ENDOU: variants seen among roughly 807,000 people sequenced by gnomAD.
ENDOU encodes the protein endonuclease, poly(U) specific, also known as uridylate-specific endoribonuclease.
ENDOU carries 49 observed loss-of-function variants against 54.2 expected under a neutral mutation model. The observed-to-expected ratio is 0.90, with a 90% CI of 0.72 to 1.15. The LOEUF (loss-of-function observed/expected upper bound fraction) is 1.15, where lower values mean the gene tolerates loss of function less well. Ranked by LOEUF, ENDOU falls within the 50% of genes most tolerant of loss-of-function variation. The probability of loss-of-function intolerance (pLI) is 0.00; values close to 1 mark genes in which losing one functional copy is unlikely to be tolerated. For missense variants in ENDOU, 458 were observed against 511.4 expected, an observed-to-expected ratio of 0.90 and a Z score of 1.01; for synonymous variants, 172 against 190.5, an observed-to-expected ratio of 0.90 and a Z score of 0.80.
rs753284651 is a variant in ENDOU at position 47,713,438 on chromosome 12, T to C, written c.752-50A>G. The C allele has an allele frequency of 8.2e-6, 11 of 1,339,106 alleles. No individual in the cohort carries two copies. The South Asian group carries it at 1.2e-4, about 14-fold the overall frequency. The allele number at this position is 1,339,106 out of a possible 1,614,324, so 83.0% of individuals were successfully genotyped here. Reference sequence around the variant, plus strand: ...GGAGAGGGGAGGCAGGGCCAGGTCCTGGGAGCGCTAAACAGAGACCTGAAG... The same window carrying C: ...GGAGAGGGGAGGCAGGGCCAGGTCCCGGGAGCGCTAAACAGAGACCTGAAG... On this transcript the variant is annotated intron_variant, in intron 6 of 9. Coordinates refer to ENST00000422538, the MANE Select transcript of ENDOU (RefSeq NM_001172439.2).
rs773939707 is a variant in ENDOU at position 47,710,937 on chromosome 12, G to C, written c.1116-18C>G. The C allele has an allele frequency of 6.4e-7, 1 of 1,559,288 alleles. No homozygotes were observed. Among genetic ancestry groups the C allele is most frequent in the Admixed American group, 1.7e-5 (1 of 59,524 alleles). On this transcript the variant is annotated intron_variant, in intron 9 of 9. Transcript: ENST00000422538. ...ACTGGCACCTGTGGGGAAAGAGCCT[G>C]AAATCAGAGGAGCTCCCCACTTCAC... is the stretch of plus-strand genomic sequence containing the variant.
intron 8 of ENDOU, among the ~76,000 whole-genome samples, chr12:47,712,149 G>C (rs1940044163): frequency 6.6e-6 from 1 of 152,222 alleles, no homozygotes; most frequent in Non-Finnish European, 1.5e-5. Context: ...GTCTTATAAA[G>C]TGTATGAAGT....
At chr12:47,713,475 C>T in intron 6 of ENDOU, 87 bp from the exon 7 acceptor site, 1 of 828,110 alleles carries the variant, frequency 1.2e-6, no homozygotes, top group Non-Finnish European at 2.1e-6. Context: ...GCTACTTGCT[C>T]CCACACGTCA....
In ENDOU at chr12:47,717,564, C is replaced by T; in HGVS notation, c.336G>A (p.Glu112=). Reference sequence around the variant, plus strand: ...CAAAATCCTTGCAGCAGTTCCCAAACTCTTGGCAGCGGGCATTGCAGTGAC... The same window carrying T: ...CAAAATCCTTGCAGCAGTTCCCAAATTCTTGGCAGCGGGCATTGCAGTGAC... ...HQCHCNARCQ[E]FGNCCKDFES... is the part of the protein sequence containing the mutation. Residue 112 remains glutamate, a synonymous_variant, in exon 4 of 10, where the codon GAG becomes GAA. Transcript: ENST00000422538. The T allele has an allele frequency of 6.2e-7, 1 of 1,614,190 alleles. No individual in the cohort carries two copies. The highest frequency in any genetic ancestry group is 8.5e-7 in the Non-Finnish European group (1 of 1,180,030).
At chr12:47,716,612 G>A (rs1485540327) in intron 5 of ENDOU, 113 bp from the exon 6 acceptor site, 70 of 935,968 alleles carry the variant, frequency 7.5e-5, no homozygotes, top group Non-Finnish European at 9.6e-5. Flanking sequence ...TTCAGGAGCC[G>A]AGGGGGCACT....
At chr12:47,713,126 CTGCCATATGG>C in intron 7 of ENDOU, 139 bp downstream of exon 7, 1 of 623,366 alleles carries the variant, frequency 1.6e-6, no homozygotes, top group Non-Finnish European at 2.8e-6. Context: ...CCCCGCCCCC[CTGCCATATGG>C]GCAGGGGAGA....
intron 1 of ENDOU, among the ~76,000 whole-genome samples, chr12:47,721,651 A>G (rs962821694): frequency 2.7e-4 from 41 of 152,346 alleles, no homozygotes; most frequent in African/African-American, 9.9e-4. Flanking sequence ...CTGGCATAGC[A>G]TTCTATTATG....
intron 2 of ENDOU, chr12:47,720,493 C>CT (rs1940395724): frequency 3.0e-6 from 1 of 338,388 alleles, no homozygotes; most frequent in South Asian, 1.1e-4. Context: ...AGTACTTAAA[C>CT]TTTCAAGATA....
At chr12:47,721,223 T>C (rs754556490) in intron 1 of ENDOU, among the ~76,000 whole-genome samples, 3 of 152,142 alleles carry the variant, frequency 2.0e-5, no homozygotes, top group Non-Finnish European at 4.4e-5. Context: ...CATCTGAAAT[T>C]TGCAGCTGAT....
In ENDOU at chr12:47,717,953, C is replaced by T. The variant is rs555441641; in HGVS notation, c.244+176G>A. 45 of 646,344 alleles carry T rather than the reference C, an allele frequency of 7.0e-5. No homozygotes were observed. In the East Asian group the frequency reaches 1.1e-3, roughly 16 times the overall value. 40.0% of individuals were successfully genotyped at this position (646,344 alleles called of 1,614,324 possible). On this transcript the variant is annotated intron_variant, in intron 3 of 9. Coordinates refer to ENST00000422538, the MANE Select transcript of ENDOU (RefSeq NM_001172439.2). ...CCTAGCTACCCTCCTCCCATGGCCC[C>T]CCAGGCTGGCTGAGCCCCCCCAGGC...
Position 47,717,527 on chromosome 12 carries a change from T to C in ENDOU, c.373A>G (p.Ser125Gly), listed in dbSNP as rs756522564. 1.9e-5 allele frequency: 30 copies of C among 1,614,178 alleles called. No homozygotes were observed. The highest frequency in any genetic ancestry group is 2.5e-5 in the Non-Finnish European group (29 of 1,180,004). The change falls in exon 4 of 10, where the codon AGT becomes GGT. Residue 125 changes from serine to glycine, a missense_variant. Transcript: ENST00000422538. The stretch of plus-strand genomic sequence containing the variant: ...GGAGCAGAAGACTAACCGTGGTCAC[T>C]ACACAGGCTCTCAAAATCCTTGCAG... Reference protein sequence around the residue: ...NCCKDFESLCSDHEVSHSSDA... With the variant: ...NCCKDFESLCGDHEVSHSSDA...
intron 6 of ENDOU, among the ~76,000 whole-genome samples, chr12:47,715,914 C>A (rs1940209131): frequency 6.6e-6 from 1 of 152,078 alleles, no homozygotes; most frequent in South Asian, 2.1e-4. Flanking sequence ...AGCGACTCTA[C>A]CTGTCTGAAA....
intron 6 of ENDOU, among the ~76,000 whole-genome samples, chr12:47,715,947 C>T (rs975401456): frequency 4.0e-5 from 6 of 151,808 alleles, no homozygotes; most frequent in South Asian, 4.2e-4. Flanking sequence ...TCCAGGATCG[C>T]GGAGGTGGCT....
At chr12:47,712,780 T>C (rs1287182462) in intron 7 of ENDOU, among the ~76,000 whole-genome samples, 158 bp from the exon 8 acceptor site, 1 of 151,258 alleles carries the variant, frequency 6.6e-6, no homozygotes, top group Non-Finnish European at 1.5e-5. Flanking sequence ...CTCACAGTCC[T>C]ATCTCTCACC....
At chr12:47,716,733 T>G (rs143498705) in intron 5 of ENDOU, among the ~76,000 whole-genome samples, 157 bp downstream of exon 5, 16 of 152,312 alleles carry the variant, frequency 1.1e-4, no homozygotes, top group African/African-American at 3.9e-4. Flanking sequence ...CAACTGGATA[T>G]CCACAGTCCC....
In ENDOU at chr12:47,710,846, C is replaced by T; in HGVS notation, c.1189G>A (p.Gly397Ser). ...TAGGCTGTGGCGATGTACTTCTTGC[C>T]ATTCCCATAGGTGGACTTGTCCCAG... ...YTWDKSTYGN[G>S]KKYIATAYIV... is the part of the protein sequence containing the mutation. The change falls in exon 10 of 10, where the codon GGC (glycine) becomes AGC (serine). Residue 397 changes from glycine (G) to serine (S), a missense_variant. Physicochemically the swap from Gly to Ser is moderately conservative, Grantham distance 56. Coordinates refer to ENST00000422538, the MANE Select transcript of ENDOU (RefSeq NM_001172439.2). The T allele has an allele frequency of 6.2e-7, 1 of 1,614,142 alleles. No homozygotes were observed. Among genetic ancestry groups the T allele is most frequent in the Non-Finnish European group, 8.5e-7 (1 of 1,180,006 alleles).
At chr12:47,725,270 C>T in intron 1 of ENDOU, 89 bp downstream of exon 1, 1 of 1,445,128 alleles carries the variant, frequency 6.9e-7, no homozygotes, top group Non-Finnish European at 9.7e-7. Context: ...TCCCACGGCC[C>T]TGCCCTCTAC....
At chr12:47,711,437 C>T (rs930322882) in intron 9 of ENDOU, among the ~76,000 whole-genome samples, 196 bp downstream of exon 9, 1 of 152,172 alleles carries the variant, frequency 6.6e-6, no homozygotes, top group Non-Finnish European at 1.5e-5. Flanking sequence ...AATTTTGCTG[C>T]TAAGATGAAG....
rs140118541 is a variant in ENDOU, at chr12:47,717,553, C to T, written c.347G>A (p.Cys116Tyr). 4 of 1,614,110 alleles carry T rather than the reference C, an allele frequency of 2.5e-6. No individual in the cohort carries two copies. In the South Asian group the frequency reaches 3.3e-5, roughly 13 times the overall value. Reference protein sequence around the residue: ...CNARCQEFGNCCKDFESLCSD... With the variant: ...CNARCQEFGNYCKDFESLCSD... ...ACACAGGCTCTCAAAATCCTTGCAG[C>T]AGTTCCCAAACTCTTGGCAGCGGGC... Residue 116 changes from cysteine to tyrosine, a missense_variant, in exon 4 of 10, where the codon TGC (cysteine) becomes TAC (tyrosine). By Grantham distance (194) the Cys-to-Tyr change is radical. Transcript: ENST00000422538.
Sources: gnomAD v4.1 joint callset for allele counts (sites outside exome capture counted in the v4.1 genomes callset) on GRCh38, gnomAD v4.1.1 for gene constraint, MANE v1.5 for transcripts, NCBI Gene and HGNC (gene_info 2026-07-23, HGNC 2026-07-21) for gene names.